RAPGEF6: variants seen among roughly 807,000 people sequenced by gnomAD.
RAPGEF6 encodes the protein Rap guanine nucleotide exchange factor 6.
RAPGEF6 carries 56 observed loss-of-function variants against 171.4 expected under a neutral mutation model. The ratio of observed to expected loss-of-function variants is 0.33; its 90% CI spans 0.26 to 0.41. The LOEUF is 0.41. Ranked by LOEUF, RAPGEF6 falls within the 10% of genes least tolerant of loss-of-function variation. RAPGEF6 has a pLI of 1.00. For synonymous variants in RAPGEF6, 692 were observed against 650.1 expected (o/e 1.06, Z -0.98); for missense variants, 1,674 against 1,921.4 (o/e 0.87, Z 2.41).
At chr5:131,556,675 C>A (rs1434684512) in intron 5 of RAPGEF6, among the ~76,000 whole-genome samples, 2 of 152,116 alleles carry the variant, frequency 1.3e-5, no homozygotes, top group Non-Finnish European at 2.9e-5. Context: ...CATGGCTCCC[C>A]TAAAATTGCT....
intron 6 of RAPGEF6, among the ~76,000 whole-genome samples, chr5:131,538,492 T>C (rs1252325885): frequency 6.6e-6 from 1 of 152,166 alleles, no homozygotes. Flanking sequence ...GGCAGCAAAA[T>C]CTGATGTCAT....
intron 15 of RAPGEF6, among the ~76,000 whole-genome samples, chr5:131,489,065 T>C (rs1241844891): frequency 2.0e-5 from 3 of 152,228 alleles, no homozygotes; most frequent in Non-Finnish European, 2.9e-5. Context: ...ATGCTCTTAT[T>C]AGAAATCTGT....
At chr5:131,558,423 A>C (rs565582492) in intron 5 of RAPGEF6, among the ~76,000 whole-genome samples, 6 of 151,958 alleles carry the variant, frequency 3.9e-5, no homozygotes, top group African/African-American at 1.2e-4. Flanking sequence ...GTCTTTTCTG[A>C]GACTCAACCT....
chr5:131,467,653 G>T (rs1754452885), intron 17 of RAPGEF6, among the ~76,000 whole-genome samples: 1 of 152,228 alleles, frequency 6.6e-6, no homozygotes, highest in Admixed American at 6.5e-5. Context: ...GGGAAAAAAT[G>T]ATCCAATCAT....
intron 7 of RAPGEF6, among the ~76,000 whole-genome samples, chr5:131,518,475 G>A (rs1434734325): frequency 2.0e-5 from 3 of 151,026 alleles, no homozygotes; most frequent in Non-Finnish European, 4.4e-5. Context: ...TTGGGTCACC[G>A]CAACCTCCGC....
chr5:131,518,624 G>A (rs188348816), intron 7 of RAPGEF6, among the ~76,000 whole-genome samples: 104 of 152,106 alleles, frequency 6.8e-4, no homozygotes, highest in Middle Eastern at 3.4e-3. Context: ...TTGAACTCCC[G>A]ACCTCAGGTG....
At chr5:131,549,204 A>C (rs1680415592) in intron 5 of RAPGEF6, among the ~76,000 whole-genome samples, 2 of 152,210 alleles carry the variant, frequency 1.3e-5, no homozygotes, top group African/African-American at 4.8e-5. Flanking sequence ...AACTATTTTT[A>C]TAAAGGTATA....
At chr5:131,601,716 T>C (rs1399789340) in intron 3 of RAPGEF6, among the ~76,000 whole-genome samples, 1 of 152,124 alleles carries the variant, frequency 6.6e-6, no homozygotes, top group Non-Finnish European at 1.5e-5. Flanking sequence ...GGAACTTAAC[T>C]ATACACAGCT....
At chr5:131,610,536 T>C (rs567871827) in intron 1 of RAPGEF6, among the ~76,000 whole-genome samples, 1 of 152,302 alleles carries the variant, frequency 6.6e-6, no homozygotes, top group East Asian at 1.9e-4. Context: ...TAAACGGATA[T>C]ATATCCCAGC....
At chr5:131,627,724 CT>C (rs903692732) in intron 1 of RAPGEF6, among the ~76,000 whole-genome samples, 10 of 151,200 alleles carry the variant, frequency 6.6e-5, no homozygotes, top group African/African-American at 2.4e-4. Context: ...GGGTTGTTTT[CT>C]TTTTTTTTAA....
Position 131,434,651 on chromosome 5 carries a change from T to C in RAPGEF6, c.3746-993A>G, listed in dbSNP as rs1352965518. On this transcript the variant is annotated intron_variant, in intron 24 of 27. Transcript: ENST00000509018. ...AGCTGAGTGGATACATGTTTAATAA[T>C]GTGTTATAGAAAAAAACAGCATCTA... 5.3e-5 allele frequency among the ~76,000 whole-genome samples: 8 copies of C among 152,340 alleles called. No homozygotes were observed. The East Asian group carries it at 1.5e-3, about 29-fold the overall frequency.
intron 1 of RAPGEF6, among the ~76,000 whole-genome samples, chr5:131,617,307 C>CA (rs34573679): frequency 1.5e-4 from 23 of 150,110 alleles, no homozygotes; most frequent in Admixed American, 5.9e-4. Flanking sequence ...CACACACACA[C>CA]AAAAAAAAAC....
At chr5:131,578,786 T>C (rs1762753873) in intron 4 of RAPGEF6, among the ~76,000 whole-genome samples, 1 of 152,196 alleles carries the variant, frequency 6.6e-6, no homozygotes, top group Non-Finnish European at 1.5e-5. Flanking sequence ...CTATCATTAT[T>C]GACAAACTAA....
At chr5:131,442,970 T>C (rs2149814403) in intron 22 of RAPGEF6, among the ~76,000 whole-genome samples, 1 of 151,976 alleles carries the variant, frequency 6.6e-6, no homozygotes, top group East Asian at 1.9e-4. Context: ...TTGTTTTTTT[T>C]AAGACAGAGC....
rs1171277160 is a variant in RAPGEF6, at chr5:131,570,169, A to T, written c.282-8122T>A. Among the ~76,000 whole-genome samples the T allele has an allele frequency of 2.0e-5, 3 of 151,936 alleles. No individual in the cohort carries two copies. The East Asian group carries it at 5.8e-4, about 29-fold the overall frequency. On this transcript the variant is annotated intron_variant, in intron 4 of 27. Transcript: ENST00000509018. ...ACAATTTGATAAGACAGTACAATTT[A>T]AAAATGGAGAAAATGTCTGAATAGA...
chr5:131,452,580 C>T (rs1006461754), intron 21 of RAPGEF6, among the ~76,000 whole-genome samples: 3 of 148,610 alleles, frequency 2.0e-5, no homozygotes, highest in Non-Finnish European at 3.0e-5. Flanking sequence ...AGCTTAGAAA[C>T]GAGATGAAAA....
chr5:131,556,381 T>C (rs1283141858), intron 5 of RAPGEF6, among the ~76,000 whole-genome samples: 1 of 152,128 alleles, frequency 6.6e-6, no homozygotes, highest in Non-Finnish European at 1.5e-5. Context: ...CACTCCAGCC[T>C]GGGCAACAGA....
intron 4 of RAPGEF6, among the ~76,000 whole-genome samples, chr5:131,582,392 G>A (rs2149993220): frequency 6.6e-6 from 1 of 152,172 alleles, no homozygotes; most frequent in East Asian, 1.9e-4. Flanking sequence ...GGATGCACAG[G>A]CAAAAAGATA....
At chr5:131,477,556 C>A (rs1034593605) in intron 16 of RAPGEF6, among the ~76,000 whole-genome samples, 2 of 152,168 alleles carry the variant, frequency 1.3e-5, no homozygotes, top group African/African-American at 4.8e-5. Context: ...CAGTTTTACA[C>A]CTCTTGCTGT....
Sources: allele counts gnomAD v4.1 joint callset (sites outside exome capture counted in the v4.1 genomes callset), GRCh38; gene constraint gnomAD v4.1.1; transcripts MANE v1.5; gene names NCBI Gene and HGNC (gene_info 2026-07-23, HGNC 2026-07-21).